The following KAT6B variants were observed in gnomAD, a reference collection of about 807,000 sequenced individuals.
The protein encoded by KAT6B is lysine acetyltransferase 6B.
A neutral mutation model predicts 187.5 loss-of-function variants in KAT6B; 10 were observed. The ratio of observed to expected loss-of-function variants is 0.05; its 90% confidence interval spans 0.03 to 0.09. The LOEUF (loss-of-function observed/expected upper bound fraction) is 0.09, where lower values mean the gene tolerates loss of function less well. KAT6B is among the 10% of genes least tolerant of loss of function. KAT6B has a pLI of 1.00. For missense variants in KAT6B, 1,952 were observed against 2,558.9 expected, an observed-to-expected ratio of 0.76 and a Z score of 5.12; for synonymous variants, 861 against 926.8, an observed-to-expected ratio of 0.93 and a Z score of 1.29.
intron 11 of KAT6B, chr10:74,982,475 CAT>C (rs1039037408): frequency 3.9e-5 from 6 of 155,582 alleles, no homozygotes; most frequent in African/African-American, 1.4e-4. Context: ...CCCTTGTGGC[CAT>C]ATGTCTGTCA....
chr10:74,893,101 G>T (rs1173890363), intron 3 of KAT6B, among the ~76,000 whole-genome samples: 1 of 152,238 alleles, frequency 6.6e-6, no homozygotes, highest in African/African-American at 2.4e-5. Context: ...GGAGCTGAGA[G>T]GAGACTGAGA....
intron 4 of KAT6B, among the ~76,000 whole-genome samples, chr10:74,961,620 G>T (rs1280597732): frequency 6.6e-6 from 1 of 152,086 alleles, no homozygotes; most frequent in Non-Finnish European, 1.5e-5. Flanking sequence ...GGGTATAAAG[G>T]TGTAATTCTA....
intron 13 of KAT6B, among the ~76,000 whole-genome samples, chr10:75,012,007 C>T (rs1589805901): frequency 6.6e-6 from 1 of 152,282 alleles, no homozygotes; most frequent in Non-Finnish European, 1.5e-5. Context: ...CCCCAAGGCC[C>T]TTTCCTTACT....
chr10:74,930,998 C>A (rs1848832675), intron 3 of KAT6B, among the ~76,000 whole-genome samples: 1 of 152,090 alleles, frequency 6.6e-6, no homozygotes, highest in East Asian at 1.9e-4. Flanking sequence ...AATTAAGGTT[C>A]TTGATTATAG....
At chr10:75,027,820 A>C (rs932823587) in intron 17 of KAT6B, among the ~76,000 whole-genome samples, 14 of 152,184 alleles carry the variant, frequency 9.2e-5, no homozygotes, top group African/African-American at 3.4e-4. Context: ...CCTGTATTTT[A>C]AATGTTCAGG....
upstream of KAT6B, among the ~76,000 whole-genome samples, chr10:74,825,954 G>A (rs1184726181): frequency 6.6e-6 from 1 of 151,584 alleles, no homozygotes; most frequent in Non-Finnish European, 1.5e-5. The surrounding 1 kb of genome is among the most constrained non-coding windows in gnomAD (Gnocchi z 5.0). Flanking sequence ...GAGGGGGCGG[G>A]ATGGAACGCT....
intron 3 of KAT6B, among the ~76,000 whole-genome samples, chr10:74,932,015 A>G (rs1158466530): frequency 6.6e-6 from 1 of 152,154 alleles, no homozygotes; most frequent in Non-Finnish European, 1.5e-5. Flanking sequence ...CCCGGCTGAA[A>G]GCATGTTCTT....
intron 3 of KAT6B, among the ~76,000 whole-genome samples, chr10:74,856,967 A>G (rs2132244089): frequency 6.6e-6 from 1 of 152,338 alleles, no homozygotes; most frequent in East Asian, 1.9e-4. Context: ...GTGAGATACC[A>G]GGAGATAAAT....
chr10:74,830,598 A>G (rs1433870228), intron 1 of KAT6B, among the ~76,000 whole-genome samples: 2 of 150,998 alleles, frequency 1.3e-5, no homozygotes. Flanking sequence ...GTACCAGGTT[A>G]CACTCCCTCC....
chr10:74,947,235 C>T (rs183120564), intron 3 of KAT6B, among the ~76,000 whole-genome samples: 27 of 152,204 alleles, frequency 1.8e-4, no homozygotes, highest in Middle Eastern at 3.4e-3. Flanking sequence ...GTGATCTGCC[C>T]GCCTTGGCCT....
chr10:75,025,109 C>T lies in KAT6B; in HGVS notation c.3524C>T (p.Thr1175Ile). Residue 1175 changes from threonine to isoleucine, a missense_variant, in exon 17 of 18, where the codon ACC (threonine) becomes ATC (isoleucine). Physicochemically the swap from Thr to Ile is moderately conservative, Grantham distance 89 (BLOSUM62 -1). Coordinates refer to ENST00000287239, the MANE Select transcript of KAT6B (RefSeq NM_012330.4). ...AGGCCAATGCCACAGCTGGAGCCTA[C>T]CTGTGAGATTGAAGTGGAGGAAGAT... ...EERPMPQLEP[T>I]CEIEVEEDGR... 2 of 1,614,124 alleles carry T rather than the reference C, an allele frequency of 1.2e-6. No homozygotes were observed. Among genetic ancestry groups the T allele is most frequent in the Non-Finnish European group, 1.7e-6 (2 of 1,180,034 alleles).
intron 3 of KAT6B, among the ~76,000 whole-genome samples, chr10:74,863,929 C>A (rs1314484635): frequency 6.6e-6 from 1 of 151,864 alleles, no homozygotes. Flanking sequence ...GATAAAGGTC[C>A]CTCATACACA....
intron 14 of KAT6B, 78 bp from the exon 15 acceptor site, chr10:75,021,048 C>T (rs1845369583): frequency 2.2e-6 from 3 of 1,374,916 alleles, no homozygotes; most frequent in Non-Finnish European, 3.1e-6. Context: ...AACATTAGTG[C>T]TAGCATATGT....
intron 8 of KAT6B, chr10:74,976,534 A>T: frequency 3.2e-6 from 2 of 622,050 alleles, no homozygotes; most frequent in Non-Finnish European, 5.7e-6. Context: ...TTTCCAACTA[A>T]TACTCTCCCA....
At chr10:74,886,979 G>A (rs1845327224) in intron 3 of KAT6B, among the ~76,000 whole-genome samples, 1 of 152,162 alleles carries the variant, frequency 6.6e-6, no homozygotes, top group African/African-American at 2.4e-5. Context: ...TGTCAGCAGT[G>A]GGGAGCAGAA....
rs1410720894 is a variant in KAT6B, at chr10:74,877,273, CTT to C, written c.621+33798_621+33799del. On this transcript the variant is annotated intron_variant, in intron 3 of 17. Coordinates refer to ENST00000287239, the MANE Select transcript of KAT6B (RefSeq NM_012330.4). ...GAGCCACCACACCCAGCCAAGAAAA[CTT>C]TTAAAGATGTGTAAATATGCAGTGA... Among the ~76,000 whole-genome samples the C allele has an allele frequency of 3.3e-5, 5 of 152,242 alleles. No individual in the cohort carries two copies. In the East Asian group the frequency reaches 7.7e-4, roughly 24 times the overall value.
At chr10:74,979,832 C>G (rs991854272) in intron 10 of KAT6B, among the ~76,000 whole-genome samples, 2 of 151,984 alleles carry the variant, frequency 1.3e-5, no homozygotes, top group Non-Finnish European at 2.9e-5. Context: ...TTAAGAGACC[C>G]TTCCCCAAAT....
intron 3 of KAT6B, among the ~76,000 whole-genome samples, chr10:74,855,602 A>G (rs1335011193): frequency 2.0e-5 from 3 of 152,232 alleles, no homozygotes; most frequent in Admixed American, 6.5e-5. Context: ...AGGATCTGCT[A>G]GTGGAAGAGT....
At chr10:74,920,003 A>G (rs1847992111) in intron 3 of KAT6B, among the ~76,000 whole-genome samples, 1 of 152,146 alleles carries the variant, frequency 6.6e-6, no homozygotes, top group African/African-American at 2.4e-5. Flanking sequence ...TGTATTTTCA[A>G]TATCTGAAGT....
Sources: allele counts gnomAD v4.1 joint callset (sites outside exome capture counted in the v4.1 genomes callset), GRCh38; gene constraint gnomAD v4.1.1; non-coding constraint Gnocchi (gnomAD v3.1); transcripts MANE v1.5; gene names NCBI Gene and HGNC (gene_info 2026-07-23, HGNC 2026-07-21).